APBA2: variants seen among roughly 807,000 people sequenced by gnomAD.
APBA2 encodes the protein amyloid-beta A4 precursor protein-binding family A member 2.
APBA2 carries 30 observed loss-of-function variants against 75.0 expected under a neutral mutation model. That is an observed-to-expected ratio of 0.40 (90% CI 0.30 to 0.54). APBA2 has a LOEUF of 0.54. Ranked by LOEUF, APBA2 falls within the 20% of genes least tolerant of loss-of-function variation. The probability of loss-of-function intolerance (pLI) is 0.49; values close to 1 mark genes in which losing one functional copy is unlikely to be tolerated. For missense variants in APBA2, 801 were observed against 1,016.1 expected (o/e 0.79, Z 2.88); for synonymous variants, 444 against 409.6 (o/e 1.08, Z -1.01).
At chr15:28,999,671 A>G (rs538138291) in intron 3 of APBA2, among the ~76,000 whole-genome samples, 33 of 152,298 alleles carry the variant, frequency 2.2e-4, no homozygotes, top group South Asian at 1.9e-3. Flanking sequence ...TGACCCAGCA[A>G]TTCTGCTCAT....
At chr15:28,995,472 G>T (rs182143855) in intron 2 of APBA2, among the ~76,000 whole-genome samples, 125 of 152,322 alleles carry the variant, frequency 8.2e-4, no homozygotes, top group African/African-American at 2.6e-3. Flanking sequence ...TCATTAAAAT[G>T]CAGAGAGTCT....
intron 2 of APBA2, among the ~76,000 whole-genome samples, chr15:28,943,780 C>G (rs922915491): frequency 2.6e-5 from 4 of 151,234 alleles, no homozygotes; most frequent in Non-Finnish European, 4.4e-5. Flanking sequence ...CAGCCCTGGC[C>G]CCTCCTTGGG....
At chr15:28,963,976 A>T (rs1234167547) in intron 2 of APBA2, among the ~76,000 whole-genome samples, 1 of 152,204 alleles carries the variant, frequency 6.6e-6, no homozygotes, top group East Asian at 1.9e-4. Flanking sequence ...ATTTAATTGT[A>T]TCATCAGCAA....
At chr15:29,021,732 T>C (rs982939754) in intron 3 of APBA2, among the ~76,000 whole-genome samples, 3 of 152,168 alleles carry the variant, frequency 2.0e-5, no homozygotes, top group African/African-American at 7.2e-5. Context: ...CTGTGCTTTA[T>C]AGTAAATCTC....
chr15:28,954,093 C>A (rs145622163), intron 2 of APBA2, among the ~76,000 whole-genome samples: 1 of 152,182 alleles, frequency 6.6e-6, no homozygotes, highest in African/African-American at 2.4e-5. Context: ...GACTTGGAGC[C>A]AACCTTGACT....
intron 2 of APBA2, among the ~76,000 whole-genome samples, chr15:28,937,465 C>T (rs1477081484): frequency 3.3e-5 from 5 of 152,016 alleles, no homozygotes; most frequent in South Asian, 4.1e-4. Context: ...GGTGGAGCCT[C>T]GCTGCTCTGG....
chr15:28,988,556 G>A (rs747281531), intron 2 of APBA2, among the ~76,000 whole-genome samples: 2 of 152,150 alleles, frequency 1.3e-5, no homozygotes, highest in Admixed American at 6.5e-5. Context: ...GAGCCACCGC[G>A]CCCATCCAGT....
chr15:28,910,314 T>TG (rs1473197699), intron 1 of APBA2, among the ~76,000 whole-genome samples: 1 of 152,084 alleles, frequency 6.6e-6, no homozygotes, highest in Non-Finnish European at 1.5e-5. Context: ...CTCAGGTGGG[T>TG]GGGCAGGGAC....
chr15:29,018,338 C>T (rs1213740588), intron 3 of APBA2, among the ~76,000 whole-genome samples: 2 of 152,140 alleles, frequency 1.3e-5, no homozygotes, highest in African/African-American at 2.4e-5. Context: ...TTTACTGTGC[C>T]GGGTGCCTGG....
intron 3 of APBA2, among the ~76,000 whole-genome samples, chr15:29,052,238 G>A (rs1367601226): frequency 6.6e-6 from 1 of 151,914 alleles, no homozygotes; most frequent in Admixed American, 6.6e-5. Flanking sequence ...GGCGGATCAC[G>A]AGGTCAGGAG....
At chr15:29,063,822 G>T (rs533587736) in intron 4 of APBA2, among the ~76,000 whole-genome samples, 1 of 152,036 alleles carries the variant, frequency 6.6e-6, no homozygotes, top group Non-Finnish European at 1.5e-5. Context: ...CTGGGCAGGG[G>T]TGAGGACACT....
At chr15:28,907,633 C>A (rs1227026423) in intron 1 of APBA2, among the ~76,000 whole-genome samples, 1 of 152,182 alleles carries the variant, frequency 6.6e-6, no homozygotes, top group Non-Finnish European at 1.5e-5. Flanking sequence ...TTTTTGCAGA[C>A]ATCAATGCTC....
chr15:28,925,915 C>G (rs2034235147), intron 2 of APBA2, among the ~76,000 whole-genome samples: 1 of 152,146 alleles, frequency 6.6e-6, no homozygotes, highest in Admixed American at 6.5e-5. Flanking sequence ...ATTTTTCTCT[C>G]ATTATGTAAT....
intron 3 of APBA2, among the ~76,000 whole-genome samples, chr15:29,037,603 A>G (rs2040814423): frequency 6.6e-6 from 1 of 152,114 alleles, no homozygotes; most frequent in South Asian, 2.1e-4. Context: ...GGGCTGGAAG[A>G]AATCAGGCCA....
At chr15:29,005,458 C>G (rs1304502954) in intron 3 of APBA2, among the ~76,000 whole-genome samples, 1 of 152,120 alleles carries the variant, frequency 6.6e-6, no homozygotes, top group African/African-American at 2.4e-5. Flanking sequence ...GACAGGGTCT[C>G]ATTGTGTTGC....
At chr15:28,977,776 A>T (rs2037416678) in intron 2 of APBA2, among the ~76,000 whole-genome samples, 2 of 152,206 alleles carry the variant, frequency 1.3e-5, no homozygotes, top group Admixed American at 6.5e-5. Flanking sequence ...TCCAGAAGGT[A>T]CCTCATTGCC....
intron 2 of APBA2, among the ~76,000 whole-genome samples, chr15:28,957,292 G>A (rs936984097): frequency 2.6e-5 from 4 of 151,938 alleles, no homozygotes; most frequent in African/African-American, 9.7e-5. Context: ...AGCCACGATG[G>A]TCTCAATCTC....
Position 28,918,242 on chromosome 15 carries a change from G to A in APBA2, c.-204-3398G>A, listed in dbSNP as rs950554901. Among the ~76,000 whole-genome samples, 14 of 152,192 alleles carry A rather than the reference G, an allele frequency of 9.2e-5. No individual in the cohort carries two copies. Among genetic ancestry groups the A allele is most frequent in the African/African-American group, 3.4e-4 (14 of 41,440 alleles). ...GAAGCGTTCCTGGCGCCACGGAGCCGGTCAGTGACAGAGCCGGGTCTCAAC... is the reference window on the plus strand; with the variant it reads ...GAAGCGTTCCTGGCGCCACGGAGCCAGTCAGTGACAGAGCCGGGTCTCAAC... On this transcript the variant is annotated intron_variant, in intron 1 of 14. Transcript: ENST00000683413. The surrounding 1 kb of genome is among the most constrained non-coding windows in gnomAD (Gnocchi z 4.2).
At chr15:28,992,781 G>C (rs1254206026) in intron 2 of APBA2, among the ~76,000 whole-genome samples, 3 of 152,188 alleles carry the variant, frequency 2.0e-5, no homozygotes, top group African/African-American at 7.2e-5. Context: ...CTGGGCTGCA[G>C]GGCTGCAGAA....
Sources: allele counts gnomAD v4.1 joint callset (sites outside exome capture counted in the v4.1 genomes callset), GRCh38; gene constraint gnomAD v4.1.1; non-coding constraint Gnocchi (gnomAD v3.1); transcripts MANE v1.5; gene names NCBI Gene and HGNC (gene_info 2026-07-23, HGNC 2026-07-21).